SOSTDC1: variants seen among roughly 807,000 people sequenced by gnomAD.
The protein encoded by SOSTDC1 is sclerostin domain containing 1.
Under a neutral mutation model 15.1 loss-of-function variants are expected in SOSTDC1, and 7 were observed. The observed-to-expected ratio is 0.46, with a 90% CI of 0.26 to 0.87. The LOEUF (loss-of-function observed/expected upper bound fraction) is 0.87. Ranked by LOEUF, SOSTDC1 falls within the 40% of genes least tolerant of loss-of-function variation. The pLI is 0.15. For synonymous variants in SOSTDC1, 94 were observed against 93.2 expected, an observed-to-expected ratio of 1.01 and a Z score of -0.05; for missense variants, 242 against 259.2, an observed-to-expected ratio of 0.93 and a Z score of 0.46.
intron 1 of SOSTDC1, among the ~76,000 whole-genome samples, chr7:16,463,283 T>C (rs1781242960): frequency 6.6e-6 from 1 of 152,186 alleles, no homozygotes; most frequent in Admixed American, 6.5e-5. Flanking sequence ...CAATAAGGGG[T>C]TAGCAGCTCT....
At chr7:16,463,702 T>C (rs574098935) in intron 1 of SOSTDC1, among the ~76,000 whole-genome samples, 122 of 152,344 alleles carry the variant, frequency 8.0e-4, no homozygotes, top group African/African-American at 2.4e-3. Context: ...CATAACAACT[T>C]GGCTACATTT....
Position 16,462,521 on chromosome 7 carries a change from G to A in SOSTDC1, c.*27C>T, listed in dbSNP as rs746856444. ...AAATCTGTAAAGCAGATGGTTACTA[G>A]TAAGTCTAGTTATGGGAGTCTGAGT... On this transcript the variant is annotated 3_prime_UTR_variant, in exon 2 of 2. Coordinates refer to ENST00000307068, the MANE Select transcript of SOSTDC1 (RefSeq NM_015464.3). 25 of 1,605,526 alleles carry A rather than the reference G, an allele frequency of 1.6e-5. No homozygotes were observed. Among genetic ancestry groups the A allele is most frequent in the African/African-American group, 6.7e-5 (5 of 74,770 alleles).
Position 16,465,684 on chromosome 7 carries a change from T to G in SOSTDC1, c.-16A>C, listed in dbSNP as rs1008352096. 1 of 1,609,988 alleles carries G rather than the reference T, an allele frequency of 6.2e-7. No individual in the cohort carries two copies. The highest frequency in any genetic ancestry group is 8.5e-7 in the Non-Finnish European group (1 of 1,176,548). On this transcript the variant is annotated 5_prime_UTR_variant, in exon 1 of 2. Transcript: ENST00000307068. ...GAGGAAGCATGGTGAGTAGAGGATTTGCTTGACTGAAGAGCTGGTTAATTC... is the reference window on the plus strand; with the variant it reads ...GAGGAAGCATGGTGAGTAGAGGATTGGCTTGACTGAAGAGCTGGTTAATTC...
At chr7:16,464,175 AG>A in intron 1 of SOSTDC1, 1 of 670,042 alleles carries the variant, frequency 1.5e-6, no homozygotes, top group Non-Finnish European at 2.7e-6. Context: ...ATATAGCTTA[AG>A]GGGAACGTGA....
In SOSTDC1 at chr7:16,461,713, T is replaced by C. The variant is rs1409519919; in HGVS notation, c.*835A>G. The C allele has an allele frequency of 6.5e-6, 1 of 152,776 alleles. No individual in the cohort carries two copies. The allele number at this position is 152,776 out of a possible 1,614,324, so 9.5% of individuals were successfully genotyped here. On this transcript the variant is annotated 3_prime_UTR_variant, in exon 2 of 2. Coordinates refer to ENST00000307068, the MANE Select transcript of SOSTDC1 (RefSeq NM_015464.3). ...TGATAAAGTTCACCATGAACATATA[T>C]GTAATAAGGAGACTAAAATATTCAT...
intron 1 of SOSTDC1, among the ~76,000 whole-genome samples, chr7:16,463,353 T>C (rs943703940): frequency 1.3e-5 from 2 of 152,222 alleles, no homozygotes; most frequent in African/African-American, 4.8e-5. Context: ...AATATTCTCT[T>C]TCTCAAGGGT....
chr7:16,463,011 AG>A, intron 1 of SOSTDC1, 48 bp from the exon 2 acceptor site: 2 of 1,501,830 alleles, frequency 1.3e-6, no homozygotes, highest in Non-Finnish European at 1.8e-6. Flanking sequence ...ATGCAAATGA[AG>A]ACCTTTTAAA....
Position 16,465,509 on chromosome 7 carries a change from T to C in SOSTDC1, c.160A>G (p.Arg54Gly). 6.2e-7 allele frequency: 1 copy of C among 1,614,190 alleles called. No homozygotes were observed. Among genetic ancestry groups the C allele is most frequent in the Non-Finnish European group, 8.5e-7 (1 of 1,180,010 alleles). Residue 54 changes from arginine to glycine, a missense_variant, in exon 1 of 2, where the codon AGA becomes GGA. Transcript: ENST00000307068. ...TTACTGAAATGCCTGCCTCCATTTCTGGCTTGATTCAACGTGCTGTTGCTG... is the reference window on the plus strand; with the variant it reads ...TTACTGAAATGCCTGCCTCCATTTCCGGCTTGATTCAACGTGCTGTTGCTG... The part of the protein sequence containing the change: ...PSSNSTLNQA[R>G]NGGRHFSNTG...
At chr7:16,463,013 A>G (rs752247508) in intron 1 of SOSTDC1, 50 bp from the exon 2 acceptor site, 12 of 1,496,974 alleles carry the variant, frequency 8.0e-6, no homozygotes, top group Non-Finnish European at 1.1e-5. Flanking sequence ...GCAAATGAAG[A>G]CCTTTTAAAA....
intron 1 of SOSTDC1, chr7:16,464,260 G>C: frequency 1.6e-6 from 2 of 1,258,468 alleles, no homozygotes; most frequent in Admixed American, 2.0e-5. Context: ...AATGTAAAGC[G>C]TAAATTGTTT....
intron 1 of SOSTDC1, among the ~76,000 whole-genome samples, chr7:16,463,775 G>C (rs544648530): frequency 3.9e-5 from 6 of 151,930 alleles, no homozygotes; most frequent in African/African-American, 1.5e-4. Context: ...AAGGAACCAC[G>C]GTGTTCATTT....
intron 1 of SOSTDC1, among the ~76,000 whole-genome samples, chr7:16,465,030 C>A (rs1781280278): frequency 6.6e-6 from 1 of 152,076 alleles, no homozygotes; most frequent in Non-Finnish European, 1.5e-5. Flanking sequence ...CCTTGTGATT[C>A]CCTATATTTA....
chr7:16,464,772 G>A (rs916449939), intron 1 of SOSTDC1, among the ~76,000 whole-genome samples: 5 of 152,072 alleles, frequency 3.3e-5, no homozygotes, highest in Non-Finnish European at 5.9e-5. Flanking sequence ...GTCAATTAGT[G>A]TGTCAACTAA....
At chr7:16,464,365 T>C in intron 1 of SOSTDC1, 3 of 1,550,542 alleles carry the variant, frequency 1.9e-6, no homozygotes, top group South Asian at 1.2e-5. Flanking sequence ...AGAAATAATT[T>C]TGTCTCGTCA....
chr7:16,462,454 G>T lies in SOSTDC1; in HGVS notation c.*94C>A. On this transcript the variant is annotated 3_prime_UTR_variant, in exon 2 of 2. Transcript: ENST00000307068. ...CAAAGCAGAAAGCATATACTTTCAA[G>T]TGAGAAAACAGCAGTGGCAGGCTTG... The T allele has an allele frequency of 7.6e-7, 1 of 1,323,562 alleles. No homozygotes were observed. Among genetic ancestry groups the T allele is most frequent in the Non-Finnish European group, 1.1e-6 (1 of 939,002 alleles). The allele number at this position is 1,323,562 out of a possible 1,614,324, so 82.0% of individuals were successfully genotyped here. A position where few individuals can be genotyped will look rare whatever the true frequency, so the allele number is the denominator to read the frequency against.
intron 1 of SOSTDC1, among the ~76,000 whole-genome samples, chr7:16,464,553 A>T (rs4506094): frequency 0.67 from 102,588 of 152,060 alleles, 34,757 homozygotes; most frequent in East Asian, 0.7. Flanking sequence ...TTAACAGTCA[A>T]ATTTGCTTTG....
Position 16,465,563 on chromosome 7 carries a change from C to G in SOSTDC1, c.106G>C (p.Val36Leu). ...GGGTGTGCTGGAACAGGTTTAACCACATGTGAATAAAGGATTTCTGTGGCA... is the reference window on the plus strand; with the variant it reads ...GGGTGTGCTGGAACAGGTTTAACCAGATGTGAATAAAGGATTTCTGTGGCA... ...NDATEILYSHVVKPVPAHPSS... is the reference protein window; with the variant it reads ...NDATEILYSHLVKPVPAHPSS... Residue 36 changes from valine (V) to leucine (L), a missense_variant, in exon 1 of 2, where the codon GTG becomes CTG. Transcript: ENST00000307068. The G allele has an allele frequency of 6.2e-7, 1 of 1,614,116 alleles. No individual in the cohort carries two copies. The highest frequency in any genetic ancestry group is 8.5e-7 in the Non-Finnish European group (1 of 1,180,004).
In SOSTDC1 at chr7:16,461,716, A is replaced by C. The variant is rs1402811522; in HGVS notation, c.*832T>G. 2.0e-5 allele frequency: 3 copies of C among 152,672 alleles called. No individual in the cohort carries two copies. Among genetic ancestry groups the C allele is most frequent in the East Asian group, 1.9e-4 (1 of 5,204 alleles). The allele number at this position is 152,672 out of a possible 1,614,324, so 9.5% of individuals were successfully genotyped here. A position where few individuals can be genotyped will look rare whatever the true frequency, so the allele number is the denominator to read the frequency against. Reference sequence around the variant, plus strand: ...TAAAGTTCACCATGAACATATATGTAATAAGGAGACTAAAATATTCATTTT... The same window carrying C: ...TAAAGTTCACCATGAACATATATGTCATAAGGAGACTAAAATATTCATTTT... On this transcript the variant is annotated 3_prime_UTR_variant, in exon 2 of 2. Transcript: ENST00000307068.
chr7:16,465,534 G>T lies in SOSTDC1; in HGVS notation c.135C>A (p.Ser45Arg). The change falls in exon 1 of 2, where the codon AGC (serine) becomes AGA (arginine). Residue 45 changes from serine (S) to arginine (R), a missense_variant. Ser to Arg is a moderately radical substitution (Grantham distance 110). Coordinates refer to ENST00000307068, the MANE Select transcript of SOSTDC1 (RefSeq NM_015464.3). ...TGGCTTGATTCAACGTGCTGTTGCT[G>T]CTGGGGTGTGCTGGAACAGGTTTAA... is the stretch of plus-strand genomic sequence containing the variant. Reference protein sequence around the residue: ...HVVKPVPAHPSSNSTLNQARN... With the variant: ...HVVKPVPAHPRSNSTLNQARN... 6.2e-7 allele frequency: 1 copy of T among 1,614,164 alleles called. No homozygotes were observed. Among genetic ancestry groups the T allele is most frequent in the Non-Finnish European group, 8.5e-7 (1 of 1,180,020 alleles).
Sources: allele counts gnomAD v4.1 joint callset (sites outside exome capture counted in the v4.1 genomes callset), GRCh38; gene constraint gnomAD v4.1.1; transcripts MANE v1.5; gene names NCBI Gene and HGNC (gene_info 2026-07-23, HGNC 2026-07-21).